The following MTUS2 variants were observed in gnomAD, a reference collection of about 807,000 sequenced individuals.
MTUS2 encodes microtubule associated scaffold protein 2, also known as microtubule-associated tumor suppressor candidate 2.
MTUS2 carries 40 observed loss-of-function variants against 114.1 expected under a neutral mutation model. The ratio of observed to expected loss-of-function variants is 0.35; its 90% confidence interval spans 0.27 to 0.46. The LOEUF is 0.46. MTUS2 is among the 20% of genes least tolerant of loss of function. The pLI is 1.00. For synonymous variants in MTUS2, 688 were observed against 672.0 expected (o/e 1.02, Z -0.37); for missense variants, 1,679 against 1,705.4 (o/e 0.98, Z 0.27).
intron 2 of MTUS2, among the ~76,000 whole-genome samples, chr13:28,921,932 C>G (rs781683157): frequency 5.3e-5 from 8 of 152,168 alleles, no homozygotes; most frequent in Non-Finnish European, 1.2e-4. Flanking sequence ...CAAGCACAAC[C>G]TGGCTGGTTG....
intron 2 of MTUS2, among the ~76,000 whole-genome samples, chr13:28,900,007 C>T (rs999023439): frequency 2.0e-5 from 3 of 152,094 alleles, no homozygotes; most frequent in African/African-American, 7.2e-5. Flanking sequence ...CCTGCCTCAG[C>T]CTCCCAAGTA....
At chr13:29,462,554 G>A (rs1009099268) in intron 9 of MTUS2, among the ~76,000 whole-genome samples, 1 of 152,126 alleles carries the variant, frequency 6.6e-6, no homozygotes, top group African/African-American at 2.4e-5. Context: ...AATTCCAGAT[G>A]TAGTGAAAAG....
intron 5 of MTUS2, among the ~76,000 whole-genome samples, chr13:29,183,076 T>C (rs1001754173): frequency 1.3e-5 from 2 of 152,196 alleles, no homozygotes; most frequent in African/African-American, 4.8e-5. Context: ...AGCAGCATTA[T>C]GTCTTAATCA....
At chr13:29,205,509 C>T (rs1462705234) in intron 5 of MTUS2, among the ~76,000 whole-genome samples, 2 of 152,092 alleles carry the variant, frequency 1.3e-5, no homozygotes, top group African/African-American at 2.4e-5. Flanking sequence ...GCACCCTTTA[C>T]CCAAGCAGTG....
At chr13:29,286,795 A>G (rs574603807) in intron 6 of MTUS2, among the ~76,000 whole-genome samples, 1 of 152,086 alleles carries the variant, frequency 6.6e-6, no homozygotes, top group Admixed American at 6.5e-5. Context: ...GGTTCAAGTG[A>G]TTCTCCTGCC....
intron 8 of MTUS2, among the ~76,000 whole-genome samples, chr13:29,421,240 G>A (rs1876085624): frequency 6.6e-6 from 1 of 152,120 alleles, no homozygotes; most frequent in African/African-American, 2.4e-5. Context: ...TTTGGTAAAA[G>A]CTACGCATAT....
chr13:28,917,663 C>T (rs191521835), intron 2 of MTUS2, among the ~76,000 whole-genome samples: 135 of 151,000 alleles, frequency 8.9e-4, no homozygotes, highest in African/African-American at 3.2e-3. Context: ...TTTATTCTTT[C>T]AAAAAACCAA....
chr13:28,878,546 C>A (rs1270806866), intron 2 of MTUS2, among the ~76,000 whole-genome samples: 1 of 152,134 alleles, frequency 6.6e-6, no homozygotes, highest in Non-Finnish European at 1.5e-5. Context: ...CATGTGTTCT[C>A]CTTGTTCAGC....
Position 29,268,712 on chromosome 13 carries a change from A to G in MTUS2, c.2645-12992A>G, listed in dbSNP as rs567793986. ...ACTGTATAGCATACTGTGGAATTCT[A>G]TTCCGTAATGATTCTATTTCTTTCT... On this transcript the variant is annotated intron_variant, in intron 5 of 15. Coordinates refer to ENST00000612955, the MANE Select transcript of MTUS2 (RefSeq NM_001033602.4). Among the ~76,000 whole-genome samples, 20 of 151,702 alleles carry G rather than the reference A, an allele frequency of 1.3e-4. No homozygotes were observed. The South Asian group carries it at 4.2e-3, about 32-fold the overall frequency.
At chr13:29,400,074 G>A (rs1861578115) in intron 8 of MTUS2, among the ~76,000 whole-genome samples, 1 of 152,164 alleles carries the variant, frequency 6.6e-6, no homozygotes, top group Non-Finnish European at 1.5e-5. Flanking sequence ...GGAAGGGAGA[G>A]GATGGTGGGG....
chr13:29,195,005 A>G (rs1341433832), intron 5 of MTUS2, among the ~76,000 whole-genome samples: 2 of 149,990 alleles, frequency 1.3e-5, no homozygotes, highest in Non-Finnish European at 3.0e-5. Flanking sequence ...ACAAAAAACC[A>G]AACACCACAT....
At chr13:28,832,924 TAAG>T (rs991676798) in intron 1 of MTUS2, among the ~76,000 whole-genome samples, 6 of 151,706 alleles carry the variant, frequency 4.0e-5, no homozygotes, top group Non-Finnish European at 5.9e-5. Flanking sequence ...AGAAATAAAA[TAAG>T]AACATTTTAA....
chr13:28,849,770 C>G (rs1266197299), intron 2 of MTUS2, among the ~76,000 whole-genome samples: 2 of 152,128 alleles, frequency 1.3e-5, no homozygotes, highest in South Asian at 2.1e-4. Flanking sequence ...CTGCCTCTCT[C>G]TCATTGCCCA....
At chr13:29,101,022 G>T (rs560228221) in intron 5 of MTUS2, 52 bp downstream of exon 5, 2 of 1,469,010 alleles carry the variant, frequency 1.4e-6, no homozygotes, top group Non-Finnish European at 1.8e-6. Flanking sequence ...AAACCGGCGC[G>T]CCTGTGTAAC....
At chr13:29,148,168 G>A (rs1892512557) in intron 5 of MTUS2, among the ~76,000 whole-genome samples, 1 of 146,084 alleles carries the variant, frequency 6.8e-6, no homozygotes, top group Admixed American at 6.8e-5. Flanking sequence ...TTGTGGTTTT[G>A]ATTTTTTTTT....
intron 1 of MTUS2, among the ~76,000 whole-genome samples, chr13:28,823,947 G>A (rs545595723): frequency 5.9e-5 from 9 of 152,194 alleles, no homozygotes; most frequent in East Asian, 5.8e-4. Flanking sequence ...TTACTGTCGC[G>A]AGAACAACAT....
intron 5 of MTUS2, among the ~76,000 whole-genome samples, chr13:29,145,544 A>G (rs990620066): frequency 2.6e-5 from 4 of 152,136 alleles, no homozygotes; most frequent in African/African-American, 4.8e-5. Context: ...AAATATGACT[A>G]TGTCAACATT....
At position 29,324,597 on chromosome 13, in the gene MTUS2, T is replaced by G; in HGVS notation, c.2807-16T>G. 1.3e-6 allele frequency: 2 copies of G among 1,552,206 alleles called. No individual in the cohort carries two copies. Among genetic ancestry groups the G allele is most frequent in the Non-Finnish European group, 1.8e-6 (2 of 1,142,440 alleles). ...AGCTTACTTTCTACCTATTTCTCTT[T>G]TCCAACTATACACAGGAACAAAGAA... On this transcript the variant is annotated splice_polypyrimidine_tract_variant and intron_variant, in intron 6 of 15. Coordinates refer to ENST00000612955, the MANE Select transcript of MTUS2 (RefSeq NM_001033602.4).
intron 12 of MTUS2, among the ~76,000 whole-genome samples, chr13:29,494,606 C>CA: frequency 6.6e-6 from 1 of 151,888 alleles, no homozygotes; most frequent in Non-Finnish European, 1.5e-5. Context: ...GTGACCTGTG[C>CA]TAGGTCACCT....
Sources: allele counts gnomAD v4.1 joint callset (sites outside exome capture counted in the v4.1 genomes callset), GRCh38; gene constraint gnomAD v4.1.1; transcripts MANE v1.5; gene names NCBI Gene and HGNC (gene_info 2026-07-23, HGNC 2026-07-21).